The following PLCB1 variants were observed in gnomAD, a reference collection of about 807,000 sequenced individuals.
The protein encoded by PLCB1 is phospholipase C beta 1.
In PLCB1, 46 loss-of-function variants were observed where a neutral mutation model predicts 161.8. The observed-to-expected ratio is 0.28, with a 90% CI of 0.22 to 0.36. The LOEUF (loss-of-function observed/expected upper bound fraction) is 0.36, where lower values mean the gene tolerates loss of function less well. Among genes scored for constraint, PLCB1 ranks in the 10% least tolerant of loss-of-function variants. The pLI is 1.00. For missense variants in PLCB1, 1,016 were observed against 1,472.5 expected, an observed-to-expected ratio of 0.69 and a Z score of 5.07; for synonymous variants, 517 against 503.7, an observed-to-expected ratio of 1.03 and a Z score of -0.35.
At chr20:8,517,424 T>C (rs1568490811) in intron 3 of PLCB1, among the ~76,000 whole-genome samples, 1 of 152,052 alleles carries the variant, frequency 6.6e-6, no homozygotes, top group East Asian at 1.9e-4. Context: ...AAATGAGACA[T>C]GGGGTTTTAT....
chr20:8,676,164 G>A (rs1180797608), intron 9 of PLCB1, among the ~76,000 whole-genome samples: 1 of 152,226 alleles, frequency 6.6e-6, no homozygotes, highest in Admixed American at 6.5e-5. Flanking sequence ...GAAGTCAGGT[G>A]TTAGAGACCA....
rs5840263 is a variant in PLCB1, at chr20:8,417,026, TACACACAC to T, written c.246+45598_246+45605del. 5.5e-3 allele frequency among the ~76,000 whole-genome samples: 365 copies of T among 66,554 alleles called. 3 individuals carry two copies. Among genetic ancestry groups the T allele is most frequent in the African/African-American group, 0.017 (305 of 17,536 alleles). 43.7% of individuals were successfully genotyped at this position (66,554 alleles called of 152,430 possible). A position where few individuals can be genotyped will look rare whatever the true frequency, so the allele number is the denominator to read the frequency against. ...GTAGTTTTAAATACATATATGTGTA[TACACACAC>T]ACACACACACACACACACACATATA... On this transcript the variant is annotated intron_variant, in intron 3 of 31. Coordinates refer to ENST00000338037, the MANE Select transcript of PLCB1 (RefSeq NM_015192.4).
intron 31 of PLCB1, among the ~76,000 whole-genome samples, chr20:8,809,059 C>T (rs1027291713): frequency 2.0e-5 from 3 of 152,168 alleles, no homozygotes; most frequent in East Asian, 1.9e-4. Flanking sequence ...TGCAGTGAAG[C>T]GATCATGGCT....
At chr20:8,693,592 C>T (rs1340019756) in intron 10 of PLCB1, among the ~76,000 whole-genome samples, 1 of 152,166 alleles carries the variant, frequency 6.6e-6, no homozygotes, top group African/African-American at 2.4e-5. Context: ...TGAAGAAGGC[C>T]ACTGAATTAA....
At chr20:8,580,929 C>A (rs751011826) in intron 3 of PLCB1, among the ~76,000 whole-genome samples, 4 of 152,170 alleles carry the variant, frequency 2.6e-5, no homozygotes, top group Admixed American at 6.5e-5. Context: ...TCATAAGAAG[C>A]TACAAACATT....
At chr20:8,356,571 A>T (rs1261323631) in intron 2 of PLCB1, among the ~76,000 whole-genome samples, 3 of 151,664 alleles carry the variant, frequency 2.0e-5, no homozygotes, top group East Asian at 3.9e-4. Context: ...TTTTATGTTT[A>T]AAAAAAAATA....
At chr20:8,196,870 C>T (rs12481559) in intron 2 of PLCB1, among the ~76,000 whole-genome samples, 1 of 151,748 alleles carries the variant, frequency 6.6e-6, no homozygotes, top group African/African-American at 2.4e-5. Context: ...TTCCTGTGTC[C>T]AAGTGTTCTC....
chr20:8,587,185 T>A (rs1465220687), intron 3 of PLCB1, among the ~76,000 whole-genome samples: 20 of 149,096 alleles, frequency 1.3e-4, no homozygotes, highest in Middle Eastern at 3.5e-3. Context: ...AAAAAATATA[T>A]ATATATATAT....
At chr20:8,200,356 A>T (rs2052080113) in intron 2 of PLCB1, among the ~76,000 whole-genome samples, 1 of 152,036 alleles carries the variant, frequency 6.6e-6, no homozygotes. Context: ...ATCTACCTGG[A>T]GTCAATTTCT....
At chr20:8,397,886 A>G (rs959359223) in intron 3 of PLCB1, among the ~76,000 whole-genome samples, 13 of 151,838 alleles carry the variant, frequency 8.6e-5, no homozygotes, top group Non-Finnish European at 1.8e-4. Context: ...GGTTGTTTCC[A>G]TTATTTTTTA....
intron 3 of PLCB1, among the ~76,000 whole-genome samples, chr20:8,626,330 T>C (rs1376874542): frequency 6.6e-6 from 1 of 152,172 alleles, no homozygotes; most frequent in Non-Finnish European, 1.5e-5. Context: ...TCTGAGCACC[T>C]ACTCTGGGTG....
At chr20:8,424,926 A>G (rs1979687291) in intron 3 of PLCB1, among the ~76,000 whole-genome samples, 2 of 152,108 alleles carry the variant, frequency 1.3e-5, no homozygotes. Flanking sequence ...CAAATACAGA[A>G]TCTTCTTGGG....
intron 2 of PLCB1, among the ~76,000 whole-genome samples, chr20:8,214,350 G>T (rs1265387246): frequency 1.3e-5 from 2 of 152,058 alleles, no homozygotes; most frequent in African/African-American, 4.8e-5. Flanking sequence ...GACAGTGATT[G>T]ACTTCTCAGG....
intron 2 of PLCB1, among the ~76,000 whole-genome samples, chr20:8,284,689 T>A (rs1337668072): frequency 6.6e-6 from 1 of 152,136 alleles, no homozygotes; most frequent in Non-Finnish European, 1.5e-5. Context: ...ATAATATGAG[T>A]GCACATTGAT....
At chr20:8,350,653 T>G (rs578029551) in intron 2 of PLCB1, among the ~76,000 whole-genome samples, 1 of 152,194 alleles carries the variant, frequency 6.6e-6, no homozygotes, top group Non-Finnish European at 1.5e-5. Flanking sequence ...TCTAGATCTT[T>G]GAGGAATCAC....
chr20:8,377,233 G>A (rs544789321), intron 3 of PLCB1, among the ~76,000 whole-genome samples: 2 of 152,286 alleles, frequency 1.3e-5, no homozygotes, highest in South Asian at 4.2e-4. Flanking sequence ...GGGGAAAGGT[G>A]TCTTGATAGG....
intron 2 of PLCB1, among the ~76,000 whole-genome samples, chr20:8,167,307 T>C (rs987683307): frequency 2.0e-5 from 3 of 152,190 alleles, no homozygotes; most frequent in Non-Finnish European, 4.4e-5. Flanking sequence ...AGTGTTTTTA[T>C]TACCATTGGA....
At chr20:8,587,574 T>C (rs1987028622) in intron 3 of PLCB1, among the ~76,000 whole-genome samples, 1 of 152,208 alleles carries the variant, frequency 6.6e-6, no homozygotes, top group Admixed American at 6.5e-5. Flanking sequence ...TTTTTCTTTT[T>C]CTATTTTCTA....
chr20:8,270,792 T>C (rs890567351), intron 2 of PLCB1, among the ~76,000 whole-genome samples: 3 of 152,162 alleles, frequency 2.0e-5, no homozygotes, highest in Non-Finnish European at 2.9e-5. Flanking sequence ...TGAATACTGG[T>C]AGAAGATTCT....
Sources: gnomAD v4.1 joint callset for allele counts (sites outside exome capture counted in the v4.1 genomes callset) on GRCh38, gnomAD v4.1.1 for gene constraint, MANE v1.5 for transcripts, NCBI Gene and HGNC (gene_info 2026-07-23, HGNC 2026-07-21) for gene names.